C14orf39: variants seen among roughly 807,000 people sequenced by gnomAD.
C14orf39 encodes the protein protein SIX6OS1.
Under a neutral mutation model 85.6 loss-of-function variants are expected in C14orf39, and 66 were observed. The observed-to-expected ratio is 0.77, with a 90% CI of 0.63 to 0.95. C14orf39 has a LOEUF of 0.95. Among genes scored for constraint, C14orf39 ranks in the 40% least tolerant of loss-of-function variants. The pLI is 0.00. For missense variants in C14orf39, 735 were observed against 663.9 expected (o/e 1.11, Z -1.18); for synonymous variants, 242 against 214.0 (o/e 1.13, Z -1.14).
intron 16 of C14orf39, among the ~76,000 whole-genome samples, chr14:60,449,619 A>AG (rs1890944060): frequency 6.6e-6 from 1 of 152,184 alleles, no homozygotes. Flanking sequence ...CATTCCTAAT[A>AG]TAAGGATTTT....
intron 10 of C14orf39, 39 bp from the exon 11 acceptor site, chr14:60,466,094 A>G: frequency 4.0e-6 from 4 of 996,678 alleles, no homozygotes; most frequent in Non-Finnish European, 5.7e-6. Context: ...TCAATGCTGG[A>G]AACAGAATCA....
At chr14:60,497,804 C>A (rs1029763066) in intron 2 of C14orf39, among the ~76,000 whole-genome samples, 5 of 151,844 alleles carry the variant, frequency 3.3e-5, no homozygotes, top group African/African-American at 1.2e-4. Flanking sequence ...ATCGATTGAA[C>A]CTAAGAGGCA....
chr14:60,451,826 T>G (rs1891049941), intron 16 of C14orf39, among the ~76,000 whole-genome samples: 1 of 151,750 alleles, frequency 6.6e-6, no homozygotes, highest in Non-Finnish European at 1.5e-5. Flanking sequence ...CCCTAGAACT[T>G]AAAGTATAAT....
chr14:60,455,078 T>A lies in C14orf39; in HGVS notation c.1426A>T (p.Met476Leu), dbSNP rs1174294883. The A allele has an allele frequency of 6.3e-7, 1 of 1,579,308 alleles. No individual in the cohort carries two copies. Among genetic ancestry groups the A allele is most frequent in the African/African-American group, 1.4e-5 (1 of 72,008 alleles). The change falls in exon 16 of 18, where the codon ATG becomes TTG. Residue 476 changes from methionine to leucine, a missense_variant. Physicochemically the swap from Met to Leu is conservative, Grantham distance 15. Transcript: ENST00000321731. ...CCAGGTGATCTAGAAGTATAACTCATAAGAAAAGAAAGTCCAGGGGATTCC... is the reference window on the plus strand; with the variant it reads ...CCAGGTGATCTAGAAGTATAACTCAAAAGAAAAGAAAGTCCAGGGGATTCC... ...EKESPGLSFL[M>L]SYTSRSPGLN... is the part of the protein sequence containing the mutation.
At chr14:60,448,023 A>G (rs1392421690) in intron 16 of C14orf39, among the ~76,000 whole-genome samples, 1 of 152,240 alleles carries the variant, frequency 6.6e-6, no homozygotes, top group Non-Finnish European at 1.5e-5. Context: ...CCTTCCTTAC[A>G]TCTTATACAA....
At chr14:60,446,161 G>A (rs1004185682) in intron 16 of C14orf39, among the ~76,000 whole-genome samples, 2 of 152,052 alleles carry the variant, frequency 1.3e-5, no homozygotes, top group Non-Finnish European at 2.9e-5. Flanking sequence ...AGCTAGAGGA[G>A]CAAGAGCAAA....
chr14:60,497,641 C>T (rs1030126914), intron 2 of C14orf39, among the ~76,000 whole-genome samples: 10 of 152,090 alleles, frequency 6.6e-5, no homozygotes, highest in Non-Finnish European at 1.3e-4. Context: ...TTTGGGAGGC[C>T]GAGGTGGGCC....
rs570564654 is a variant in C14orf39 at position 60,468,154 on chromosome 14, G to A, written c.767+291C>T. ...TTACTCCTATTGCTGGCCCATCATG[G>A]AAAACACTGGATGAATTATACAACT... On this transcript the variant is annotated intron_variant, in intron 9 of 17. Transcript: ENST00000321731. Among the ~76,000 whole-genome samples, 6 of 151,800 alleles carry A rather than the reference G, an allele frequency of 4.0e-5. No homozygotes were observed. In the South Asian group the frequency reaches 1.2e-3, roughly 31 times the overall value.
chr14:60,451,797 T>C (rs1891048460), intron 16 of C14orf39, among the ~76,000 whole-genome samples: 1 of 151,896 alleles, frequency 6.6e-6, no homozygotes, highest in South Asian at 2.1e-4. Flanking sequence ...GTAACAAACC[T>C]GCACATTGTG....
At position 60,469,588 on chromosome 14, in the gene C14orf39, G is replaced by C. The variant is rs747484067; in HGVS notation, c.620C>G (p.Ser207Cys). 1.3e-6 allele frequency: 2 copies of C among 1,515,260 alleles called. No individual in the cohort carries two copies. The highest frequency in any genetic ancestry group is 4.8e-5 in the East Asian group (2 of 41,696). 93.9% of individuals were successfully genotyped at this position (1,515,260 alleles called of 1,614,324 possible). A position where few individuals can be genotyped will look rare whatever the true frequency, so the allele number is the denominator to read the frequency against. Residue 207 changes from serine to cysteine, a missense_variant, in exon 8 of 18, where the codon TCC becomes TGC. Transcript: ENST00000321731. ...KHASNLTKSS[S>C]ELKKEVDEME... ...TTCATCTACTTCTTTCTTCAATTCGGATGAACTTTTGGTAAGATTGCTGGC... is the reference window on the plus strand; with the variant it reads ...TTCATCTACTTCTTTCTTCAATTCGCATGAACTTTTGGTAAGATTGCTGGC...
rs1595463305 is a variant in C14orf39 at position 60,463,591 on chromosome 14, G to A, written c.973-1998C>T. On this transcript the variant is annotated intron_variant, in intron 11 of 17. Transcript: ENST00000321731. ...TACACTTTTAAGTGGTAACTTTCAT[G>A]GTATATGAATTATACCTCAATGAAA... Among the ~76,000 whole-genome samples the A allele has an allele frequency of 2.0e-5, 3 of 152,022 alleles. No homozygotes were observed. In the South Asian group the frequency reaches 6.2e-4, roughly 32 times the overall value.
chr14:60,495,953 A>C (rs570591237), intron 2 of C14orf39: 6 of 460,324 alleles, frequency 1.3e-5, no homozygotes, highest in Admixed American at 9.4e-5. Flanking sequence ...GCAAGACATG[A>C]CATTTGGGAG....
intron 1 of C14orf39, among the ~76,000 whole-genome samples, chr14:60,501,287 C>A (rs1338628865): frequency 3.5e-5 from 4 of 112,932 alleles, no homozygotes; most frequent in African/African-American, 1.0e-4. Context: ...TCCTGGGCAA[C>A]AGAGCAAGAC....
intron 13 of C14orf39, among the ~76,000 whole-genome samples, chr14:60,460,955 C>T (rs896670804): frequency 6.6e-5 from 10 of 151,494 alleles, no homozygotes; most frequent in African/African-American, 2.4e-4. Flanking sequence ...CACAATGGAA[C>T]ATTATACAGT....
chr14:60,447,235 G>A (rs1159506819), intron 16 of C14orf39, among the ~76,000 whole-genome samples: 6 of 152,260 alleles, frequency 3.9e-5, no homozygotes, highest in East Asian at 3.8e-4. Context: ...AAGGGTATTC[G>A]AATAGGAAAA....
At chr14:60,448,903 G>T (rs1039235256) in intron 16 of C14orf39, among the ~76,000 whole-genome samples, 5 of 152,168 alleles carry the variant, frequency 3.3e-5, no homozygotes, top group Admixed American at 6.5e-5. Context: ...GGATGCAGCT[G>T]GAAACCATCA....
chr14:60,506,027 A>G (rs1032810067), intron 1 of C14orf39, among the ~76,000 whole-genome samples: 31 of 152,146 alleles, frequency 2.0e-4, no homozygotes, highest in Non-Finnish European at 4.6e-4. Context: ...TAGCTACAAA[A>G]CCAGCCCTTG....
chr14:60,467,759 G>A (rs1017594140), intron 9 of C14orf39, among the ~76,000 whole-genome samples: 1 of 151,646 alleles, frequency 6.6e-6, no homozygotes, highest in Non-Finnish European at 1.5e-5. Context: ...GTAGGATCAG[G>A]GAAATTAACC....
rs28375191 is a variant in C14orf39, at chr14:60,458,686, T to C, written c.1171A>G (p.Thr391Ala). Reference sequence around the variant, plus strand: ...TCAAACATTTGACTTACTTGTGAAGTACATTTTGATTCTCTTACTTGTCTT... The same window carrying C: ...TCAAACATTTGACTTACTTGTGAAGCACATTTTGATTCTCTTACTTGTCTT... The part of the protein sequence containing the change: ...TVRQVRESKC[T>A]SQAIYTEHFG... The change falls in exon 14 of 18, where the codon ACT (threonine) becomes GCT (alanine). Residue 391 changes from threonine to alanine, a missense_variant. By Grantham distance (58) the Thr-to-Ala change is moderately conservative. Transcript: ENST00000321731. 1 of 1,601,018 alleles carries C rather than the reference T, an allele frequency of 6.2e-7. No individual in the cohort carries two copies. The highest frequency in any genetic ancestry group is 8.5e-7 in the Non-Finnish European group (1 of 1,172,590).
Sources: allele counts gnomAD v4.1 joint callset (sites outside exome capture counted in the v4.1 genomes callset), GRCh38; gene constraint gnomAD v4.1.1; transcripts MANE v1.5; gene names NCBI Gene and HGNC (gene_info 2026-07-23, HGNC 2026-07-21).